SZT2: variants seen among roughly 807,000 people sequenced by gnomAD.
SZT2 encodes SZT2 subunit of KICSTOR complex.
Under a neutral mutation model 404.2 loss-of-function variants are expected in SZT2, and 216 were observed. The observed-to-expected ratio is 0.53, with a 90% CI of 0.48 to 0.60. The LOEUF (loss-of-function observed/expected upper bound fraction) is 0.60. Among genes scored for constraint, SZT2 ranks in the 20% least tolerant of loss-of-function variants. SZT2 has a pLI of 0.00. For missense variants in SZT2, 3,857 were observed against 4,459.2 expected, an observed-to-expected ratio of 0.86 and a Z score of 3.85; for synonymous variants, 1,693 against 1,749.9, an observed-to-expected ratio of 0.97 and a Z score of 0.81.
intron 1 of SZT2, among the ~76,000 whole-genome samples, chr1:43,400,358 C>T (rs533849344): frequency 1.3e-5 from 2 of 152,128 alleles, no homozygotes; most frequent in African/African-American, 4.8e-5. Context: ...CTCATTACCC[C>T]CATTGTGCTC....
In SZT2 at chr1:43,420,512, C is replaced by T. The variant is rs1283682803; in HGVS notation, c.1261+189C>T. ...CTTCCCAATTCTATCTCCTTTTGCC[C>T]AAGGTGAACCAGCTGAGGGTGGTAT... On this transcript the variant is annotated intron_variant, in intron 9 of 71. Coordinates refer to ENST00000634258, the MANE Select transcript of SZT2 (RefSeq NM_001365999.1). The surrounding 1 kb of genome is among the most constrained non-coding windows in gnomAD (Gnocchi z 5.1). 6.6e-6 allele frequency among the ~76,000 whole-genome samples: 1 copy of T among 152,178 alleles called. No homozygotes were observed. The highest frequency in any genetic ancestry group is 1.9e-4 in the East Asian group (1 of 5,194).
At chr1:43,404,286 T>A in intron 3 of SZT2, 94 bp from the exon 4 acceptor site, 1 of 1,067,464 alleles carries the variant, frequency 9.4e-7, no homozygotes. Context: ...CATCCATAAG[T>A]TAAGTGTCCT....
Position 43,426,132 on chromosome 1 carries a change from C to T in SZT2, c.3024C>T (p.Phe1008=), listed in dbSNP as rs1428137304. 1 of 1,614,172 alleles carries T rather than the reference C, an allele frequency of 6.2e-7. No homozygotes were observed. Among genetic ancestry groups the T allele is most frequent in the Non-Finnish European group, 8.5e-7 (1 of 1,180,030 alleles). ...LLPQCQQLQM[F]FLLLAREPEG... ...CACAGTGCCAGCAGCTCCAGATGTT[C>T]TTCCTCTTGCTTGCCAGAGGTAGGT... Residue 1008 remains phenylalanine, a synonymous_variant, in exon 21 of 72, where the codon TTC becomes TTT. Coordinates refer to ENST00000634258, the MANE Select transcript of SZT2 (RefSeq NM_001365999.1). This position sits in a 1 kb window ranked among gnomAD's most constrained non-coding sequence, Gnocchi z 4.9.
In SZT2 at chr1:43,390,014, C is replaced by T. The variant is rs1557491102; in HGVS notation, c.27+19C>T. 2.9e-6 allele frequency: 4 copies of T among 1,380,434 alleles called. No individual in the cohort carries two copies. Among genetic ancestry groups the T allele is most frequent in the African/African-American group, 1.5e-5 (1 of 65,602 alleles). 85.5% of individuals were successfully genotyped at this position (1,380,434 alleles called of 1,614,324 possible). On this transcript the variant is annotated intron_variant, in intron 1 of 71. Transcript: ENST00000634258. ...GCCGGAGGTGAGGGGCGGGCGGGCG[C>T]AGCACTGGGCCCCGAGATCCGAGGG...
At chr1:43,421,004 A>T (rs139977211) in intron 10 of SZT2, 21 bp downstream of exon 10, 2 of 1,594,330 alleles carry the variant, frequency 1.3e-6, no homozygotes, top group Non-Finnish European at 1.7e-6. Flanking sequence ...TCATCACTCA[A>T]TGAGTGCTGC....
Position 43,421,201 on chromosome 1 carries a change from C to T in SZT2, c.1524C>T (p.Ala508=). Residue 508 remains alanine, a synonymous_variant, in exon 11 of 72, where the codon GCC becomes GCT. Coordinates refer to ENST00000634258, the MANE Select transcript of SZT2 (RefSeq NM_001365999.1). ...QSINQTDQML[A]HLQSFSSVPE... ...TCAACCAGACAGACCAGATGCTTGC[C>T]CACCTTCAGTCCTTCTCCTCAGTGC... 1 of 1,598,470 alleles carries T rather than the reference C, an allele frequency of 6.3e-7. No individual in the cohort carries two copies. Among genetic ancestry groups the T allele is most frequent in the Non-Finnish European group, 8.5e-7 (1 of 1,179,794 alleles).
intron 1 of SZT2, among the ~76,000 whole-genome samples, chr1:43,397,939 G>T (rs746851952): frequency 2.6e-5 from 4 of 152,172 alleles, no homozygotes; most frequent in Non-Finnish European, 5.9e-5. Flanking sequence ...TCATGGAAAG[G>T]TTCATTTATT....
chr1:43,423,296 A>G lies in SZT2; in HGVS notation c.2235A>G (p.Pro745=). ...DRPCLVVLHK[P]LDKLLIRYEK... ...CCTGCCTTGTGGTCCTGCATAAGCC[A>G]CTGGACAAACTGCTCATCAGGTTGG... Residue 745 remains proline, a synonymous_variant, in exon 15 of 72, where the codon CCA becomes CCG. Transcript: ENST00000634258. The G allele has an allele frequency of 2.6e-6, 4 of 1,542,856 alleles. No homozygotes were observed. In the South Asian group the frequency reaches 4.9e-5, roughly 19 times the overall value.
At chr1:43,390,694 CAG>C (rs1455992330) in intron 1 of SZT2, among the ~76,000 whole-genome samples, 1 of 152,212 alleles carries the variant, frequency 6.6e-6, no homozygotes, top group Non-Finnish European at 1.5e-5. Context: ...GGCATTCTCA[CAG>C]AGGAGAAAAC....
At position 43,437,176 on chromosome 1, in the gene SZT2, G is replaced by A. The variant is rs1487579807; in HGVS notation, c.6040G>A (p.Ala2014Thr). The A allele has an allele frequency of 1.2e-6, 2 of 1,614,038 alleles. No individual in the cohort carries two copies. Among genetic ancestry groups the A allele is most frequent in the African/African-American group, 1.3e-5 (1 of 74,920 alleles). Residue 2014 changes from alanine (A) to threonine (T), a missense_variant, in exon 43 of 72, where the codon GCT becomes ACT. Ala to Thr is a moderately conservative substitution (Grantham distance 58). Around this residue, in one of 7 missense-constraint regions of SZT2, gnomAD observed 1,725 missense variants for 1,881.0 expected, o/e 0.92. Coordinates refer to ENST00000634258, the MANE Select transcript of SZT2 (RefSeq NM_001365999.1). The surrounding 1 kb of genome is among the most constrained non-coding windows in gnomAD (Gnocchi z 5.3). The part of the protein sequence containing the change: ...QRAPLPSDDY[A>T]ADESCAPRGY... ...CCCTGCTCCCCCTCACCCAGATTAT[G>A]CTGCTGATGAGAGCTGTGCGCCCCG... is the stretch of plus-strand genomic sequence containing the variant.
At chr1:43,443,508 C>T (rs763736927) in intron 61 of SZT2, 31 bp downstream of exon 61, 59 of 1,613,752 alleles carry the variant, frequency 3.7e-5, no homozygotes, top group Non-Finnish European at 4.5e-5. Flanking sequence ...TCTAGCAGAC[C>T]TTTGCTTACC....
At position 43,445,907 on chromosome 1, in the gene SZT2, C is replaced by CG; in HGVS notation, c.8842dup (p.Ala2948GlyfsTer17). On this transcript the variant is annotated frameshift_variant, in exon 63 of 72. Coordinates refer to ENST00000634258, the MANE Select transcript of SZT2 (RefSeq NM_001365999.1). LOFTEE classifies it high-confidence loss of function. ...CCTTTTCTATAGCACCAGCCGGCCACGGGCCATGGCTATCCTTGGAACAGA... is the reference window on the plus strand; with the variant it reads ...CCTTTTCTATAGCACCAGCCGGCCACGGGGCCATGGCTATCCTTGGAACAGA... The CG allele has an allele frequency of 6.2e-7, 1 of 1,614,220 alleles. No individual in the cohort carries two copies.
rs1654764438 is a variant in SZT2, at chr1:43,439,013, G to T, written c.6712G>T (p.Ala2238Ser). Residue 2238 changes from alanine (A) to serine (S), a missense_variant, in exon 48 of 72, where the codon GCA (alanine) becomes TCA (serine). By Grantham distance (99) the Ala-to-Ser change is moderately conservative. This residue lies in a region of SZT2 where 261 missense variants were observed against 372.9 expected (regional missense o/e 0.70). Coordinates refer to ENST00000634258, the MANE Select transcript of SZT2 (RefSeq NM_001365999.1). The surrounding 1 kb of genome is among the most constrained non-coding windows in gnomAD (Gnocchi z 4.2). ...CTGCAGGCCCTGGCTTCCAGCCCTG[G>T]CATGGTACCTACGGCAGAACTTGCT... is the stretch of plus-strand genomic sequence containing the variant. ...TSCRPWLPAL[A>S]WYLRQNLLIF... is the part of the protein sequence containing the mutation. The T allele has an allele frequency of 2.5e-6, 4 of 1,614,150 alleles. No individual in the cohort carries two copies. The highest frequency in any genetic ancestry group is 1.7e-5 in the Admixed American group (1 of 60,024).
intron 15 of SZT2, among the ~76,000 whole-genome samples, 188 bp downstream of exon 15, chr1:43,423,504 C>T (rs112945116): frequency 3.3e-5 from 4 of 122,462 alleles, no homozygotes; most frequent in African/African-American, 1.4e-4. Context: ...CGTGGCTTAG[C>T]AGGGTATGAG....
At chr1:43,429,034 C>T (rs1280158238) in intron 28 of SZT2, 1 of 157,606 alleles carries the variant, frequency 6.3e-6, no homozygotes, top group African/African-American at 2.4e-5. Context: ...TAGATTGGAA[C>T]TCCGGTCCGG....
rs138585463 is a variant in SZT2, at chr1:43,448,091, C to T, written c.9576C>T (p.Phe3192=). 1.3e-3 allele frequency: 2,090 copies of T among 1,596,516 alleles called. No individual in the cohort carries two copies. The highest frequency in any genetic ancestry group is 1.6e-3 in the Non-Finnish European group (1,856 of 1,168,472). ...CTCCCCACCCCAGGCTACAGTTCTTCGTGGTGCTCACCAGCCAGCGAGAGC... is the reference window on the plus strand; with the variant it reads ...CTCCCCACCCCAGGCTACAGTTCTTTGTGGTGCTCACCAGCCAGCGAGAGC... The part of the protein sequence containing the change: ...AERHVLRLQF[F]VVLTSQRELF... Residue 3192 remains phenylalanine (F), a synonymous_variant, in exon 69 of 72, where the codon TTC becomes TTT. Transcript: ENST00000634258. This position sits in a 1 kb window ranked among gnomAD's most constrained non-coding sequence, Gnocchi z 4.2.
chr1:43,392,517 C>G (rs765709801), intron 1 of SZT2, among the ~76,000 whole-genome samples: 3 of 151,912 alleles, frequency 2.0e-5, no homozygotes, highest in Non-Finnish European at 2.9e-5. Context: ...CGGGTTCACG[C>G]CATTCTCCTG....
intron 4 of SZT2, among the ~76,000 whole-genome samples, chr1:43,408,078 C>G (rs1022865926): frequency 6.6e-6 from 1 of 151,900 alleles, no homozygotes; most frequent in Non-Finnish European, 1.5e-5. Context: ...GTGATCTGCC[C>G]GCCTCGGCCT....
rs1655878450 is a variant in SZT2, at chr1:43,447,911, TTGTC to T, written c.9508_9511del (p.Cys3170ThrfsTer70). On this transcript the variant is annotated frameshift_variant, in exon 68 of 72. Coordinates refer to ENST00000634258, the MANE Select transcript of SZT2 (RefSeq NM_001365999.1). LOFTEE classifies it high-confidence loss of function. Reference sequence around the variant, plus strand: ...CAGGATGACTTTGATGTGTCTCTGCTTGTCTGTCACTGTGCTGCACCCTTTGAGG... The same window carrying T: ...CAGGATGACTTTGATGTGTCTCTGCTTGTCACTGTGCTGCACCCTTTGAGG... 1.9e-6 allele frequency: 3 copies of T among 1,614,116 alleles called. No homozygotes were observed. Among genetic ancestry groups the T allele is most frequent in the Non-Finnish European group, 2.5e-6 (3 of 1,180,020 alleles).
Sources: gnomAD v4.1 joint callset for allele counts (sites outside exome capture counted in the v4.1 genomes callset) on GRCh38, gnomAD v4.1.1 for gene constraint, gnomAD v4.1.1 regional missense constraint, Gnocchi (gnomAD v3.1) non-coding constraint, MANE v1.5 for transcripts, NCBI Gene and HGNC (gene_info 2026-07-23, HGNC 2026-07-21) for gene names.